The following BNC2 variants were observed in gnomAD, a reference collection of about 807,000 sequenced individuals.
BNC2 encodes the protein basonuclin zinc finger protein 2.
Under a neutral mutation model 76.3 loss-of-function variants are expected in BNC2, and 20 were observed. That is an observed-to-expected ratio of 0.26 (90% CI 0.18 to 0.38). The LOEUF (loss-of-function observed/expected upper bound fraction) is 0.38, where lower values mean the gene tolerates loss of function less well. Ranked by LOEUF, BNC2 falls within the 10% of genes least tolerant of loss-of-function variation. The pLI, the probability that BNC2 is intolerant of heterozygous loss-of-function variation, is 1.00. For synonymous variants in BNC2, 582 were observed against 514.8 expected (o/e 1.13, Z -1.77); for missense variants, 1,382 against 1,399.8 (o/e 0.99, Z 0.20).
chr9:16,572,916 G>A (rs760089660), intron 4 of BNC2, among the ~76,000 whole-genome samples: 3 of 151,972 alleles, frequency 2.0e-5, no homozygotes, highest in Non-Finnish European at 4.4e-5. Flanking sequence ...TAGAGCCTAC[G>A]ATTACCACGT....
In BNC2 at chr9:16,833,456, AAGCCAAG is replaced by A. The variant is rs530600023; in HGVS notation, c.3+37183_3+37189del. On this transcript the variant is annotated intron_variant, in intron 1 of 6. Coordinates refer to ENST00000380672, the MANE Select transcript of BNC2 (RefSeq NM_017637.6). ...GGAAGAGAAAAAAAACTAGCTTGGG[AAGCCAAG>A]AGCTTCGAGGTCATTAGCCTCAGAG... Among the ~76,000 whole-genome samples, 110 of 152,292 alleles carry A rather than the reference AAGCCAAG, an allele frequency of 7.2e-4. 1 individual carries two copies. The South Asian group carries it at 0.022, about 30-fold the overall frequency.
intron 1 of BNC2, among the ~76,000 whole-genome samples, chr9:16,805,516 C>T (rs1402270913): frequency 3.3e-5 from 5 of 151,762 alleles, no homozygotes; most frequent in East Asian, 3.9e-4. Context: ...TTAGTACAGA[C>T]GGGGTTTCAT....
chr9:16,615,939 GC>G (rs1234922539), intron 3 of BNC2, among the ~76,000 whole-genome samples: 1 of 152,102 alleles, frequency 6.6e-6, no homozygotes, highest in East Asian at 1.9e-4. Flanking sequence ...CTTGACTAAG[GC>G]CTCATAGCTG....
At chr9:16,860,143 A>G (rs1424246628) in intron 1 of BNC2, among the ~76,000 whole-genome samples, 1 of 152,186 alleles carries the variant, frequency 6.6e-6, no homozygotes, top group Non-Finnish European at 1.5e-5. Flanking sequence ...AGGATTAACA[A>G]GATACATTTT....
intron 1 of BNC2, among the ~76,000 whole-genome samples, chr9:16,792,775 C>T (rs1193089401): frequency 4.6e-5 from 7 of 152,208 alleles, no homozygotes; most frequent in Non-Finnish European, 8.8e-5. Flanking sequence ...CAACAAACTT[C>T]ATTGACATTT....
At chr9:16,775,350 A>G (rs973328443) in intron 1 of BNC2, among the ~76,000 whole-genome samples, 15 of 151,984 alleles carry the variant, frequency 9.9e-5, no homozygotes, top group African/African-American at 3.6e-4. Flanking sequence ...CTGGCTCCAC[A>G]GTGAAGGAGT....
chr9:16,769,811 GT>G (rs1422504749), intron 1 of BNC2, among the ~76,000 whole-genome samples: 1 of 152,182 alleles, frequency 6.6e-6, no homozygotes, highest in Non-Finnish European at 1.5e-5. Flanking sequence ...CAAGATTCAT[GT>G]GGGTGGAGCT....
At chr9:16,851,569 C>A (rs1166423706) in intron 1 of BNC2, among the ~76,000 whole-genome samples, 11 of 152,190 alleles carry the variant, frequency 7.2e-5, no homozygotes, top group African/African-American at 2.4e-4. Flanking sequence ...CATACCATTT[C>A]TTTATTTTCC....
chr9:16,601,470 T>C (rs556006061), intron 3 of BNC2, among the ~76,000 whole-genome samples: 120 of 152,262 alleles, frequency 7.9e-4, no homozygotes, highest in African/African-American at 2.6e-3. Context: ...CCAAACTTGT[T>C]TCGAATCCCC....
intron 1 of BNC2, among the ~76,000 whole-genome samples, chr9:16,860,924 T>G (rs1004006265): frequency 4.6e-5 from 7 of 151,504 alleles, no homozygotes; most frequent in African/African-American, 9.7e-5. Context: ...CACATGCCTG[T>G]AATGCCAGCT....
intron 3 of BNC2, among the ~76,000 whole-genome samples, chr9:16,651,214 T>C (rs967130421): frequency 1.3e-5 from 2 of 152,206 alleles, no homozygotes; most frequent in Non-Finnish European, 2.9e-5. Context: ...ACCTGTTCCT[T>C]TTCCAAGCTA....
chr9:16,608,947 G>T (rs973328929), intron 3 of BNC2, among the ~76,000 whole-genome samples: 3 of 152,070 alleles, frequency 2.0e-5, no homozygotes, highest in Admixed American at 6.5e-5. Context: ...TGTACTTAAG[G>T]TTCCTAAACA....
chr9:16,859,915 T>C (rs923428586), intron 1 of BNC2, among the ~76,000 whole-genome samples: 2 of 151,864 alleles, frequency 1.3e-5, no homozygotes, highest in African/African-American at 4.8e-5. Flanking sequence ...AGGTCAAGAG[T>C]TGGAGAACAG....
intron 5 of BNC2, among the ~76,000 whole-genome samples, chr9:16,462,610 G>T (rs1373359270): frequency 6.6e-6 from 1 of 152,118 alleles, no homozygotes; most frequent in Non-Finnish European, 1.5e-5. Context: ...CACACGAAGG[G>T]CTTTACTTGT....
intron 1 of BNC2, among the ~76,000 whole-genome samples, chr9:16,776,902 G>A (rs1017549548): frequency 3.9e-5 from 6 of 152,072 alleles, no homozygotes; most frequent in African/African-American, 1.4e-4. Flanking sequence ...AAGGTGGGCG[G>A]ATCACCTGAG....
intron 1 of BNC2, among the ~76,000 whole-genome samples, chr9:16,755,856 C>T (rs373997400): frequency 3.2e-4 from 49 of 152,310 alleles, no homozygotes; most frequent in Middle Eastern, 3.4e-3. Flanking sequence ...TTATCCTTCT[C>T]CGCTTTTCTT....
intron 5 of BNC2, among the ~76,000 whole-genome samples, chr9:16,452,178 A>G (rs7019023): frequency 0.031 from 4,683 of 152,280 alleles, 234 homozygotes; most frequent in African/African-American, 0.11. Flanking sequence ...TTAAAATTTA[A>G]TCTTCATTGT....
intron 3 of BNC2, among the ~76,000 whole-genome samples, chr9:16,722,623 A>AATAAT (rs1238313874): frequency 6.6e-6 from 1 of 152,234 alleles, no homozygotes; most frequent in Non-Finnish European, 1.5e-5. Context: ...GAGAAAATTA[A>AATAAT]ATAATTTCAA....
At chr9:16,452,645 G>T (rs1321474740) in intron 5 of BNC2, among the ~76,000 whole-genome samples, 1 of 152,028 alleles carries the variant, frequency 6.6e-6, no homozygotes, top group East Asian at 1.9e-4. Flanking sequence ...TCTGACCTCA[G>T]GTGATCCACC....
Sources: gnomAD v4.1 joint callset for allele counts (sites outside exome capture counted in the v4.1 genomes callset) on GRCh38, gnomAD v4.1.1 for gene constraint, MANE v1.5 for transcripts, NCBI Gene and HGNC (gene_info 2026-07-23, HGNC 2026-07-21) for gene names.